Variants in SDF2 observed in about 807,000 individuals in gnomAD.
SDF2 encodes the protein stromal cell derived factor 2, also known as stromal cell-derived factor 2.
A neutral mutation model predicts 20.5 loss-of-function variants in SDF2; 12 were observed. That is an observed-to-expected ratio of 0.58 (90% CI 0.37 to 0.95). SDF2 has a LOEUF of 0.95. Ranked by LOEUF, SDF2 falls within the 40% of genes least tolerant of loss-of-function variation. The pLI is 0.01. For synonymous variants in SDF2, 100 were observed against 101.0 expected (o/e 0.99, Z 0.06); for missense variants, 238 against 263.1 (o/e 0.90, Z 0.66).
intron 1 of SDF2, chr17:28,657,889 C>A (rs1031070015): frequency 6.6e-6 from 1 of 152,284 alleles, no homozygotes; most frequent in African/African-American, 2.4e-5. Context: ...GTGGGGTGCA[C>A]TTGTAGTCCC....
At chr17:28,658,500 A>G (rs938686538) in intron 1 of SDF2, among the ~76,000 whole-genome samples, 1 of 152,174 alleles carries the variant, frequency 6.6e-6, no homozygotes, top group Non-Finnish European at 1.5e-5. Flanking sequence ...TTAACAAAGC[A>G]CATCTTGCAC....
upstream of SDF2, chr17:28,662,093 GCCGCTTCGGTTACCTTTC>G: frequency 2.1e-6 from 1 of 469,252 alleles, no homozygotes; most frequent in Non-Finnish European, 3.7e-6. Flanking sequence ...GCCTTCCTGA[GCCGCTTCGGTTACCTTTC>G]GCACCCACGA....
At position 28,661,884 on chromosome 17, in the gene SDF2, G is replaced by A; in HGVS notation, c.-8C>T. On this transcript the variant is annotated 5_prime_UTR_variant, in exon 1 of 3. Transcript: ENST00000247020. ...CAGAGGTACTACAGCCATCCTAACTGTATCGCGGAGCCCCAAATCTTCGAA... is the reference window on the plus strand; with the variant it reads ...CAGAGGTACTACAGCCATCCTAACTATATCGCGGAGCCCCAAATCTTCGAA... The A allele has an allele frequency of 6.3e-7, 1 of 1,591,070 alleles. No homozygotes were observed. The highest frequency in any genetic ancestry group is 1.1e-5 in the South Asian group (1 of 90,360).
chr17:28,654,040 C>T (rs1285267977), intron 2 of SDF2, among the ~76,000 whole-genome samples: 3 of 152,014 alleles, frequency 2.0e-5, no homozygotes, highest in Non-Finnish European at 2.9e-5. Context: ...GCTGGGTGTA[C>T]TGGCTTATGC....
chr17:28,656,542 C>T (rs1030075576), intron 1 of SDF2, among the ~76,000 whole-genome samples: 2 of 151,974 alleles, frequency 1.3e-5, no homozygotes, highest in African/African-American at 4.8e-5. Flanking sequence ...GAGCCAAGAT[C>T]GCGCCACTGC....
chr17:28,655,239 C>T (rs968144254), intron 2 of SDF2, 48 bp downstream of exon 2: 20 of 1,548,732 alleles, frequency 1.3e-5, no homozygotes, highest in African/African-American at 2.7e-5. Flanking sequence ...CAAACAAGCA[C>T]CCACTGAGTA....
rs779521190 is a variant in SDF2, at chr17:28,649,294, T to C, written c.349-18A>G. 13 of 1,609,638 alleles carry C rather than the reference T, an allele frequency of 8.1e-6. No individual in the cohort carries two copies. The Admixed American group carries it at 1.2e-4, about 14-fold the overall frequency. ...CTCACTTCCTAGAAAATACAGAAGG[T>C]AGTAACATCAGCATGGCTGACAAGG... On this transcript the variant is annotated intron_variant, in intron 2 of 2. Transcript: ENST00000247020.
At chr17:28,655,062 G>C (rs144187934) in intron 2 of SDF2, among the ~76,000 whole-genome samples, 2,777 of 152,336 alleles carry the variant, frequency 0.018, 80 homozygotes, top group East Asian at 0.16. Context: ...CCCAGAGGCG[G>C]AGGTTGCAGT....
Position 28,649,167 on chromosome 17 carries a change from G to C in SDF2, c.458C>G (p.Ser153Cys), listed in dbSNP as rs1184719848. The C allele has an allele frequency of 2.5e-6, 4 of 1,614,102 alleles. No individual in the cohort carries two copies. The highest frequency in any genetic ancestry group is 3.4e-6 in the Non-Finnish European group (4 of 1,180,060). Residue 153 changes from serine to cysteine, a missense_variant, in exon 3 of 3, where the codon TCT (serine) becomes TGT (cysteine). Coordinates refer to ENST00000247020, the MANE Select transcript of SDF2 (RefSeq NM_006923.4). The part of the protein sequence containing the change: ...VRDGEVRFKH[S>C]STEVLLSVTG... ...GACAGACAGCAGTACCTCAGTGGAA[G>C]AGTGTTTGAACCGCACCTCACCATC...
intron 1 of SDF2, among the ~76,000 whole-genome samples, chr17:28,660,105 G>A (rs966401798): frequency 5.3e-5 from 8 of 152,202 alleles, no homozygotes; most frequent in African/African-American, 9.7e-5. Context: ...CAGGCATGGC[G>A]GCGTGTGCCT....
intron 1 of SDF2, chr17:28,660,390 T>C (rs1313575539): frequency 6.6e-6 from 1 of 152,262 alleles, no homozygotes; most frequent in Non-Finnish European, 1.5e-5. Context: ...TTCTGGGCAA[T>C]TTCATCTACA....
rs1314788160 is a variant in SDF2 at position 28,655,305 on chromosome 17, T to G, written c.330A>C (p.Ser110=). The change falls in exon 2 of 3, where the codon TCA becomes TCC. Residue 110 remains serine, a synonymous_variant. Transcript: ENST00000247020. The part of the protein sequence containing the change: ...GRNLHSHHFT[S]PLSGNQEVSA... The stretch of plus-strand genomic sequence containing the variant: ...ACCTCACCTGGTTTCCAGAAAGAGG[T>G]GAAGTGAAGTGGTGACTATGGAGGT... The G allele has an allele frequency of 6.2e-7, 1 of 1,613,748 alleles. No homozygotes were observed. Among genetic ancestry groups the G allele is most frequent in the South Asian group, 1.1e-5 (1 of 91,070 alleles).
intron 2 of SDF2, among the ~76,000 whole-genome samples, chr17:28,654,570 T>C (rs1224564301): frequency 6.6e-6 from 1 of 152,034 alleles, no homozygotes; most frequent in East Asian, 1.9e-4. Flanking sequence ...ATCCCAACAC[T>C]TCCAGGAGGC....
In SDF2 at chr17:28,649,806, T is replaced by TA. The variant is rs1183249943; in HGVS notation, c.349-531dup. ...GCACATGCCTATGGTACCCAGCTAC[T>TA]ACAGCTATCACCTAAGTCCAGGGGA... On this transcript the variant is annotated intron_variant, in intron 2 of 2. Coordinates refer to ENST00000247020, the MANE Select transcript of SDF2 (RefSeq NM_006923.4). Among the ~76,000 whole-genome samples the TA allele has an allele frequency of 6.7e-5, 10 of 148,288 alleles. No individual in the cohort carries two copies. In the Admixed American group the frequency reaches 6.7e-4, roughly 10 times the overall value.
At chr17:28,649,352 AAAG>A (rs1292211989) in intron 2 of SDF2, 76 bp from the exon 3 acceptor site, 7 of 1,393,180 alleles carry the variant, frequency 5.0e-6, no homozygotes, top group Non-Finnish European at 7.0e-6. Flanking sequence ...ATGGGAAGAA[AAAG>A]AAGGCCACCT....
At chr17:28,660,531 C>G (rs1005454496) in intron 1 of SDF2, 9 of 152,352 alleles carry the variant, frequency 5.9e-5, no homozygotes, top group African/African-American at 1.9e-4. Context: ...TCAGAACCAC[C>G]TGAAGAGCTT....
chr17:28,655,224 G>C, intron 2 of SDF2, 63 bp downstream of exon 2: 2 of 1,462,794 alleles, frequency 1.4e-6, no homozygotes, highest in South Asian at 2.3e-5. Context: ...TAAGAACCAA[G>C]AGATCAAACA....
intron 1 of SDF2, among the ~76,000 whole-genome samples, chr17:28,656,631 C>G (rs1048452438): frequency 6.6e-6 from 1 of 152,094 alleles, no homozygotes; most frequent in Non-Finnish European, 1.5e-5. Context: ...ATACTAGTTA[C>G]TATATGATAA....
chr17:28,653,183 A>G (rs2071929040), intron 2 of SDF2, among the ~76,000 whole-genome samples: 1 of 152,248 alleles, frequency 6.6e-6, no homozygotes, highest in Non-Finnish European at 1.5e-5. Context: ...TTACAGGAGA[A>G]ACCTAACGAA....
Sources: gnomAD v4.1 joint callset for allele counts (sites outside exome capture counted in the v4.1 genomes callset) on GRCh38, gnomAD v4.1.1 for gene constraint, MANE v1.5 for transcripts, NCBI Gene and HGNC (gene_info 2026-07-23, HGNC 2026-07-21) for gene names.